PRKN: variants seen among roughly 807,000 people sequenced by gnomAD.
PRKN encodes parkin RBR E3 ubiquitin protein ligase.
PRKN carries 56 observed loss-of-function variants against 59.5 expected under a neutral mutation model. That is an observed-to-expected ratio of 0.94 (90% CI 0.76 to 1.18). PRKN has a LOEUF of 1.18. PRKN is among the 50% of genes most tolerant of loss of function. The pLI is 0.00. For missense variants in PRKN, 657 were observed against 596.4 expected (o/e 1.10, Z -1.06); for synonymous variants, 250 against 222.1 (o/e 1.13, Z -1.12).
chr6:162,206,041 GGAA>G (rs1048098170), intron 3 of PRKN, among the ~76,000 whole-genome samples: 2 of 152,010 alleles, frequency 1.3e-5, no homozygotes, highest in African/African-American at 2.4e-5. Flanking sequence ...AGAAGGAGAA[GGAA>G]GAAGGTTTTA....
chr6:162,268,660 C>A (rs912173043), intron 2 of PRKN, among the ~76,000 whole-genome samples: 2 of 152,108 alleles, frequency 1.3e-5, no homozygotes, highest in Non-Finnish European at 2.9e-5. Context: ...CAAAGGGGAG[C>A]CACAGAGAAG....
rs114874511 is a variant in PRKN, at chr6:162,148,701, T to C, written c.534+52430A>G. 5.9e-3 allele frequency among the ~76,000 whole-genome samples: 893 copies of C among 152,232 alleles called. 10 individuals carry two copies. Among genetic ancestry groups the C allele is most frequent in the African/African-American group, 0.02 (825 of 41,542 alleles). ...AAAGGCCTGAAAGAAAACCATAATA[T>C]GAAATATATTTTTAGTCTTCCCTGC... On this transcript the variant is annotated intron_variant, in intron 4 of 11. Coordinates refer to ENST00000366898, the MANE Select transcript of PRKN (RefSeq NM_004562.3).
At chr6:162,213,563 A>C (rs958206860) in intron 3 of PRKN, among the ~76,000 whole-genome samples, 1 of 151,934 alleles carries the variant, frequency 6.6e-6, no homozygotes, top group Non-Finnish European at 1.5e-5. Flanking sequence ...TCATCTCTAC[A>C]AAAAATAAAC....
rs28420593 is a variant in PRKN, at chr6:161,507,108, T to C, written c.1083+41746A>G. On this transcript the variant is annotated intron_variant, in intron 9 of 11. Coordinates refer to ENST00000366898, the MANE Select transcript of PRKN (RefSeq NM_004562.3). ...CACGTAAGGAAGAACTTTTTAAAAA[T>C]TCCTCTCTTCCTAAACAACCTTCCT... Among the ~76,000 whole-genome samples, 1,006 of 152,288 alleles carry C rather than the reference T, an allele frequency of 6.6e-3. 13 individuals are homozygous for C. Among genetic ancestry groups the C allele is most frequent in the African/African-American group, 0.022 (899 of 41,558 alleles).
chr6:161,906,758 C>T (rs1438746519), intron 6 of PRKN, among the ~76,000 whole-genome samples: 1 of 150,864 alleles, frequency 6.6e-6, no homozygotes, highest in Non-Finnish European at 1.5e-5. Flanking sequence ...CACAAAACCT[C>T]AAAAGTAGGG....
rs953927834 is a variant in PRKN, at chr6:161,483,279, G to T, written c.1083+65575C>A. On this transcript the variant is annotated intron_variant, in intron 9 of 11. Coordinates refer to ENST00000366898, the MANE Select transcript of PRKN (RefSeq NM_004562.3). This position sits in a 1 kb window ranked among gnomAD's most constrained non-coding sequence, Gnocchi z 5.0. The stretch of plus-strand genomic sequence containing the variant: ...TTTCATAGCTATGCATTAATTGACT[G>T]AATTGGCTTTGTATTTCAGGCCAAC... Among the ~76,000 whole-genome samples the T allele has an allele frequency of 1.3e-5, 2 of 151,964 alleles. No homozygotes were observed. The highest frequency in any genetic ancestry group is 1.3e-4 in the Admixed American group (2 of 15,256).
intron 1 of PRKN, among the ~76,000 whole-genome samples, chr6:162,630,468 G>A (rs111287950): frequency 0.02 from 3,072 of 152,108 alleles, 108 homozygotes; most frequent in African/African-American, 0.069. Flanking sequence ...AACATCAATC[G>A]TTGACAACGT....
At chr6:162,255,077 A>AAAAATAAAATAAAATAAAATAAAAT (rs200687735) in intron 3 of PRKN, among the ~76,000 whole-genome samples, 1 of 138,342 alleles carries the variant, frequency 7.2e-6, no homozygotes, top group Non-Finnish European at 1.5e-5. Context: ...AGATTCATAC[A>AAAAATAAAATAAAATAAAATAAAAT]AAAATAAAAT....
intron 1 of PRKN, among the ~76,000 whole-genome samples, chr6:162,510,324 C>T (rs1294170770): frequency 1.3e-5 from 2 of 152,192 alleles, no homozygotes; most frequent in Admixed American, 6.5e-5. Flanking sequence ...GGAATGAATT[C>T]ATGCCACAGA....
chr6:161,350,649 A>G (rs1453069351), intron 11 of PRKN, among the ~76,000 whole-genome samples: 2 of 95,674 alleles, frequency 2.1e-5, no homozygotes, highest in Non-Finnish European at 3.6e-5. Context: ...TTTAAAATAT[A>G]TATATTTTTA....
intron 5 of PRKN, among the ~76,000 whole-genome samples, chr6:162,010,232 T>C (rs994088811): frequency 2.5e-5 from 3 of 121,282 alleles, no homozygotes; most frequent in African/African-American, 8.7e-5. Context: ...ATAATATATA[T>C]TTTATATATT....
chr6:161,467,932 A>G lies in PRKN; in HGVS notation c.1083+80922T>C, dbSNP rs1790562333. 6.6e-6 allele frequency among the ~76,000 whole-genome samples: 1 copy of G among 152,064 alleles called. No individual in the cohort carries two copies. Among genetic ancestry groups the G allele is most frequent in the Admixed American group, 6.5e-5 (1 of 15,282 alleles). On this transcript the variant is annotated intron_variant, in intron 9 of 11. Coordinates refer to ENST00000366898, the MANE Select transcript of PRKN (RefSeq NM_004562.3). The surrounding 1 kb of genome is among the most constrained non-coding windows in gnomAD (Gnocchi z 4.3). Reference sequence around the variant, plus strand: ...TTTTTTTTTTCATGTGAGAAAGAGTAAAATTCTATTCCTTCTCACTCCCTT... The same window carrying G: ...TTTTTTTTTTCATGTGAGAAAGAGTGAAATTCTATTCCTTCTCACTCCCTT...
chr6:162,553,090 TG>T (rs1020882055), intron 1 of PRKN, among the ~76,000 whole-genome samples: 4 of 151,312 alleles, frequency 2.6e-5, no homozygotes, highest in Non-Finnish European at 5.9e-5. Context: ...GTGAAGTGAG[TG>T]GGGTCCAGGT....
intron 6 of PRKN, among the ~76,000 whole-genome samples, chr6:161,875,211 C>T (rs1248250070): frequency 4.2e-5 from 6 of 142,820 alleles, no homozygotes; most frequent in African/African-American, 1.6e-4. Context: ...ACATTTTTTT[C>T]TGAGACAGAG....
chr6:162,351,185 C>A (rs561488325), intron 2 of PRKN, among the ~76,000 whole-genome samples: 1 of 151,828 alleles, frequency 6.6e-6, no homozygotes, highest in Non-Finnish European at 1.5e-5. Flanking sequence ...AGCGAGTCTA[C>A]GTTTCCAAAA....
At chr6:162,173,443 C>G (rs12215296) in intron 4 of PRKN, among the ~76,000 whole-genome samples, 1 of 152,084 alleles carries the variant, frequency 6.6e-6, no homozygotes, top group Admixed American at 6.5e-5. Context: ...TAAAAACTGA[C>G]GAAGCCTTCC....
At chr6:162,397,939 AG>A (rs1193864532) in intron 2 of PRKN, among the ~76,000 whole-genome samples, 3 of 151,036 alleles carry the variant, frequency 2.0e-5, no homozygotes, top group African/African-American at 4.9e-5. Flanking sequence ...TGGGAGGCTG[AG>A]GCCTGAGAAC....
At chr6:162,119,838 C>T (rs1780829822) in intron 4 of PRKN, among the ~76,000 whole-genome samples, 1 of 152,144 alleles carries the variant, frequency 6.6e-6, no homozygotes, top group African/African-American at 2.4e-5. Flanking sequence ...GGTCCAATAT[C>T]TTGCCAATCA....
intron 7 of PRKN, among the ~76,000 whole-genome samples, chr6:161,692,068 A>C (rs1042163208): frequency 6.6e-6 from 1 of 152,184 alleles, no homozygotes; most frequent in African/African-American, 2.4e-5. Context: ...CCATGTCAAC[A>C]GATTACACTC....
Sources: allele counts gnomAD v4.1 joint callset (sites outside exome capture counted in the v4.1 genomes callset), GRCh38; gene constraint gnomAD v4.1.1; non-coding constraint Gnocchi (gnomAD v3.1); transcripts MANE v1.5; gene names NCBI Gene and HGNC (gene_info 2026-07-23, HGNC 2026-07-21).